The following SORBS2 variants were observed in gnomAD, a reference collection of about 807,000 sequenced individuals.
The protein encoded by SORBS2 is sorbin and SH3 domain containing 2, also known as sorbin and SH3 domain-containing protein 2.
SORBS2 carries 46 observed loss-of-function variants against 97.7 expected under a neutral mutation model. That is an observed-to-expected ratio of 0.47 (90% CI 0.37 to 0.60). The LOEUF (loss-of-function observed/expected upper bound fraction) is 0.60, where lower values mean the gene tolerates loss of function less well. Among genes scored for constraint, SORBS2 ranks in the 20% least tolerant of loss-of-function variants. SORBS2 has a pLI of 0.00. For synonymous variants in SORBS2, 476 were observed against 473.4 expected (o/e 1.01, Z -0.07); for missense variants, 1,316 against 1,282.3 (o/e 1.03, Z -0.40).
At chr4:185,783,573 T>C (rs2099041472) in intron 1 of SORBS2, among the ~76,000 whole-genome samples, 1 of 152,040 alleles carries the variant, frequency 6.6e-6, no homozygotes, top group Non-Finnish European at 1.5e-5. Flanking sequence ...AACAAAAAGG[T>C]ATGGGAGAGA....
intron 1 of SORBS2, among the ~76,000 whole-genome samples, chr4:185,792,482 C>T (rs10011311): frequency 0.087 from 12,808 of 147,214 alleles, 592 homozygotes; most frequent in South Asian, 0.15. Context: ...CGACAGGGTG[C>T]GACTCCATCG....
At chr4:185,688,500 AG>A (rs2098021159) in intron 2 of SORBS2, among the ~76,000 whole-genome samples, 2 of 134,518 alleles carry the variant, frequency 1.5e-5, no homozygotes, top group Non-Finnish European at 3.2e-5. Flanking sequence ...ATTGATAGAT[AG>A]ATAAATAGAT....
At chr4:185,711,277 C>T (rs2098418490) in intron 2 of SORBS2, among the ~76,000 whole-genome samples, 1 of 152,186 alleles carries the variant, frequency 6.6e-6, no homozygotes, top group African/African-American at 2.4e-5. Flanking sequence ...AGGCATGAGC[C>T]ACTATGCCTG....
chr4:185,665,703 G>A (rs149708335), intron 4 of SORBS2: 2 of 945,252 alleles, frequency 2.1e-6, no homozygotes, highest in East Asian at 1.2e-4. Context: ...TCAAGGAAAC[G>A]GTGGAGGCAA....
intron 2 of SORBS2, among the ~76,000 whole-genome samples, chr4:185,731,703 CCTGT>C (rs1490540286): frequency 8.4e-5 from 7 of 82,954 alleles, no homozygotes; most frequent in African/African-American, 3.6e-4. Flanking sequence ...TCCCTCCCTG[CCTGT>C]CTCTCTCCCT....
intron 1 of SORBS2, among the ~76,000 whole-genome samples, chr4:185,942,801 T>C (rs2099272779): frequency 6.6e-6 from 1 of 152,060 alleles, no homozygotes; most frequent in Admixed American, 6.6e-5. Context: ...GGGAAAGAGA[T>C]CATGTATGTC....
intron 1 of SORBS2, among the ~76,000 whole-genome samples, chr4:185,817,403 A>C (rs940335641): frequency 2.6e-5 from 4 of 152,170 alleles, no homozygotes; most frequent in African/African-American, 9.7e-5. Flanking sequence ...GACTGTTTAT[A>C]CTTCATAATG....
At chr4:185,859,809 A>G (rs1030043716) in intron 1 of SORBS2, among the ~76,000 whole-genome samples, 1 of 152,212 alleles carries the variant, frequency 6.6e-6, no homozygotes, top group African/African-American at 2.4e-5. Context: ...ACTTGGAGCT[A>G]CAGGGAATGC....
intron 1 of SORBS2, chr4:185,656,540 C>T (rs2097406234): frequency 1.8e-6 from 2 of 1,103,242 alleles, no homozygotes; most frequent in East Asian, 2.8e-5. Context: ...CTCTTGGCCA[C>T]ACCCCAGCTT....
intron 1 of SORBS2, among the ~76,000 whole-genome samples, chr4:185,880,582 T>G (rs1482596902): frequency 1.3e-5 from 2 of 152,250 alleles, no homozygotes; most frequent in Non-Finnish European, 2.9e-5. Flanking sequence ...TGTTAAACAC[T>G]GAAAACTATT....
At chr4:185,752,062 C>G (rs942394775) in intron 2 of SORBS2, among the ~76,000 whole-genome samples, 2 of 152,076 alleles carry the variant, frequency 1.3e-5, no homozygotes, top group Non-Finnish European at 2.9e-5. Flanking sequence ...ATCCCACAAC[C>G]TGGCTCCAGA....
At chr4:185,880,941 TGGA>T (rs1331265167) in intron 1 of SORBS2, among the ~76,000 whole-genome samples, 2 of 150,146 alleles carry the variant, frequency 1.3e-5, no homozygotes, top group African/African-American at 4.9e-5. Flanking sequence ...AGCACTGAGG[TGGA>T]GGAGAAGGAT....
At chr4:185,694,706 C>CTT (rs1200094039) in intron 2 of SORBS2, among the ~76,000 whole-genome samples, 3 of 124,246 alleles carry the variant, frequency 2.4e-5, no homozygotes, top group African/African-American at 5.9e-5. Flanking sequence ...CCTTTTCTTT[C>CTT]TTTTCTTTTC....
chr4:185,914,542 G>A (rs1417245067), intron 1 of SORBS2, among the ~76,000 whole-genome samples: 1 of 152,216 alleles, frequency 6.6e-6, no homozygotes, highest in Admixed American at 6.5e-5. Context: ...TTATAAAGGT[G>A]CAAATATCTG....
rs147631150 is a variant in SORBS2, at chr4:185,755,865, T to A, written c.-198+19362A>T. On this transcript the variant is annotated intron_variant, in intron 2 of 20. Transcript: ENST00000284776. The stretch of plus-strand genomic sequence containing the variant: ...ATCTAATGTTTGTTCATCTCACTTA[T>A]CTTAATCCCATACCTCCTCATGTTT... Among the ~76,000 whole-genome samples the A allele has an allele frequency of 3.4e-3, 515 of 152,336 alleles. 1 individual carries two copies. Among genetic ancestry groups the A allele is most frequent in the African/African-American group, 0.012 (493 of 41,580 alleles).
At chr4:185,658,713 A>G (rs1281142267), upstream of SORBS2, among the ~76,000 whole-genome samples, 2 of 119,362 alleles carry the variant, frequency 1.7e-5, no homozygotes, top group Non-Finnish European at 1.7e-5. Context: ...TTTTTTTGAG[A>G]TGGAGTCTCG....
chr4:185,639,540 T>A (rs1020524101), intron 4 of SORBS2, among the ~76,000 whole-genome samples: 1 of 152,214 alleles, frequency 6.6e-6, no homozygotes, highest in Non-Finnish European at 1.5e-5. Flanking sequence ...GTCCTTAATA[T>A]TTTCAAATAA....
chr4:185,747,926 G>T (rs951733553), intron 2 of SORBS2, among the ~76,000 whole-genome samples: 2 of 152,152 alleles, frequency 1.3e-5, no homozygotes, highest in Non-Finnish European at 2.9e-5. Context: ...AGGAGGCGGA[G>T]GTTGCAGTGA....
chr4:185,760,416 A>T (rs186024281), intron 2 of SORBS2, among the ~76,000 whole-genome samples: 9 of 152,330 alleles, frequency 5.9e-5, no homozygotes, highest in Admixed American at 5.2e-4. Context: ...ACAAAAAATT[A>T]GCTGAGTGTG....
Sources: gnomAD v4.1 joint callset for allele counts (sites outside exome capture counted in the v4.1 genomes callset) on GRCh38, gnomAD v4.1.1 for gene constraint, MANE v1.5 for transcripts, NCBI Gene and HGNC (gene_info 2026-07-23, HGNC 2026-07-21) for gene names.